The following PARD3B variants were observed in gnomAD, a reference collection of about 807,000 sequenced individuals.
PARD3B encodes the protein par-3 family cell polarity regulator beta.
A neutral mutation model predicts 130.2 loss-of-function variants in PARD3B; 103 were observed. That is an observed-to-expected ratio of 0.79 (90% CI 0.67 to 0.93). The LOEUF is 0.93. PARD3B is among the 40% of genes least tolerant of loss of function. The probability of loss-of-function intolerance (pLI) is 0.00; values close to 1 mark genes in which losing one functional copy is unlikely to be tolerated. For synonymous variants in PARD3B, 583 were observed against 553.2 expected, an observed-to-expected ratio of 1.05 and a Z score of -0.76; for missense variants, 1,609 against 1,499.2, an observed-to-expected ratio of 1.07 and a Z score of -1.21.
chr2:204,687,738 ATCT>A (rs1260232246), intron 2 of PARD3B, among the ~76,000 whole-genome samples: 1 of 152,220 alleles, frequency 6.6e-6, no homozygotes, highest in Non-Finnish European at 1.5e-5. Flanking sequence ...CCTAGGGATC[ATCT>A]TCTTCCTTTG....
intron 2 of PARD3B, among the ~76,000 whole-genome samples, chr2:204,825,248 C>G (rs993458180): frequency 1.3e-5 from 2 of 152,152 alleles, no homozygotes; most frequent in Admixed American, 6.5e-5. Context: ...TCTGAAGGAA[C>G]CTGGGCCATT....
intron 10 of PARD3B, among the ~76,000 whole-genome samples, chr2:205,139,381 A>G (rs999114130): frequency 2.6e-5 from 4 of 151,984 alleles, no homozygotes; most frequent in African/African-American, 9.7e-5. Context: ...CACCTTTAAT[A>G]AAAAAAACCT....
chr2:204,636,573 A>G (rs1389782658), intron 1 of PARD3B, among the ~76,000 whole-genome samples: 1 of 151,886 alleles, frequency 6.6e-6, no homozygotes, highest in Non-Finnish European at 1.5e-5. Flanking sequence ...CTCACAAAGC[A>G]GCAGCCAGCA....
At chr2:205,079,594 C>T (rs1022389887) in intron 4 of PARD3B, among the ~76,000 whole-genome samples, 3 of 152,212 alleles carry the variant, frequency 2.0e-5, no homozygotes, top group African/African-American at 7.2e-5. Context: ...AAAGGCCACA[C>T]TTCTTAATAC....
At chr2:204,680,536 T>G (rs1015878524) in intron 1 of PARD3B, among the ~76,000 whole-genome samples, 1 of 152,076 alleles carries the variant, frequency 6.6e-6, no homozygotes, top group Non-Finnish European at 1.5e-5. Context: ...GTTTTTTTAT[T>G]TCATTGTTCT....
intron 2 of PARD3B, among the ~76,000 whole-genome samples, chr2:204,770,501 T>C (rs2041319060): frequency 1.3e-5 from 2 of 151,932 alleles, no homozygotes; most frequent in African/African-American, 4.8e-5. Context: ...TGGAGAGTTC[T>C]GTAGATGTCT....
At chr2:205,439,437 G>T (rs2047635420) in intron 19 of PARD3B, among the ~76,000 whole-genome samples, 1 of 152,158 alleles carries the variant, frequency 6.6e-6, no homozygotes, top group African/African-American at 2.4e-5. Flanking sequence ...ACACCATCAA[G>T]ATCACCATTG....
intron 18 of PARD3B, among the ~76,000 whole-genome samples, chr2:205,335,642 G>GA (rs35633269): frequency 3.7e-4 from 55 of 149,604 alleles, no homozygotes; most frequent in African/African-American, 1.2e-3. Flanking sequence ...CAAGACTGGG[G>GA]AAAAAAAAAA....
chr2:204,704,860 C>A (rs550485096), intron 2 of PARD3B, among the ~76,000 whole-genome samples: 1 of 151,312 alleles, frequency 6.6e-6, no homozygotes, highest in South Asian at 2.1e-4. Flanking sequence ...TGGTAAGATT[C>A]CAACTGTCAA....
intron 2 of PARD3B, among the ~76,000 whole-genome samples, chr2:204,730,065 A>ATTTC (rs1307713051): frequency 1.3e-5 from 2 of 149,588 alleles, no homozygotes; most frequent in Non-Finnish European, 3.0e-5. Context: ...TGCATAGTTA[A>ATTTC]TTTCTTTCTT....
intron 21 of PARD3B, among the ~76,000 whole-genome samples, chr2:205,517,637 G>C (rs183766074): frequency 6.6e-6 from 1 of 151,892 alleles, no homozygotes; most frequent in Non-Finnish European, 1.5e-5. Flanking sequence ...GGGTTGATTC[G>C]TTCTTGCTTC....
In PARD3B at chr2:204,679,672, T is replaced by A. The variant is rs113615073; in HGVS notation, c.121-6509T>A. On this transcript the variant is annotated intron_variant, in intron 1 of 22. Coordinates refer to ENST00000406610, the MANE Select transcript of PARD3B (RefSeq NM_001302769.2). ...TATTGTAAATGTTACAATTTTTTTTTAATTTTTTTTAATCTTTAACTGGTT... is the reference window on the plus strand; with the variant it reads ...TATTGTAAATGTTACAATTTTTTTTAAATTTTTTTTAATCTTTAACTGGTT... Among the ~76,000 whole-genome samples the A allele has an allele frequency of 4.1e-3, 627 of 151,950 alleles. 4 individuals are homozygous for A. Among genetic ancestry groups the A allele is most frequent in the African/African-American group, 9.8e-3 (407 of 41,368 alleles).
rs781658938 is a variant in PARD3B at position 205,440,683 on chromosome 2, T to G, written c.3044+11T>G. On this transcript the variant is annotated intron_variant, in intron 20 of 22. Coordinates refer to ENST00000406610, the MANE Select transcript of PARD3B (RefSeq NM_001302769.2). The surrounding 1 kb of genome is among the most constrained non-coding windows in gnomAD (Gnocchi z 4.2). Reference sequence around the variant, plus strand: ...GGTTCCAGCTGACAGGTAATAAACTTAGTGAAAGATAAATGTAGCTTTAAT... The same window carrying G: ...GGTTCCAGCTGACAGGTAATAAACTGAGTGAAAGATAAATGTAGCTTTAAT... 2 of 1,599,218 alleles carry G rather than the reference T, an allele frequency of 1.3e-6. No individual in the cohort carries two copies. Among genetic ancestry groups the G allele is most frequent in the Admixed American group, 1.7e-5 (1 of 59,814 alleles).
intron 2 of PARD3B, among the ~76,000 whole-genome samples, chr2:204,898,739 T>C (rs931493927): frequency 1.3e-5 from 2 of 152,214 alleles, no homozygotes; most frequent in East Asian, 1.9e-4. Context: ...GTAGCTATTA[T>C]TGTAATGGGG....
intron 2 of PARD3B, among the ~76,000 whole-genome samples, chr2:204,926,323 C>T (rs1302239923): frequency 6.6e-6 from 1 of 152,074 alleles, no homozygotes; most frequent in African/African-American, 2.4e-5. Context: ...AGCAGTTTAT[C>T]TTAAAGTCCT....
At chr2:205,517,082 C>T (rs867352853) in intron 21 of PARD3B, among the ~76,000 whole-genome samples, 5 of 151,862 alleles carry the variant, frequency 3.3e-5, no homozygotes, top group South Asian at 2.1e-4. Context: ...GATTTTCATA[C>T]GTCGAATCAA....
intron 1 of PARD3B, among the ~76,000 whole-genome samples, chr2:204,560,993 A>C (rs1385431704): frequency 6.6e-6 from 1 of 150,408 alleles, no homozygotes. Flanking sequence ...GCAGTCTCTG[A>C]GACATTTCAG....
chr2:205,300,657 G>A lies in PARD3B; in HGVS notation c.2313G>A (p.Met771Ile). 1 of 1,613,954 alleles carries A rather than the reference G, an allele frequency of 6.2e-7. No homozygotes were observed. The highest frequency in any genetic ancestry group is 2.2e-5 in the East Asian group (1 of 44,878). ...DLPFHRPRPH[M>I]VRGRGCNESF... Reference sequence around the variant, plus strand: ...CCTTTCACAGGCCCCGGCCGCACATGGTTCGAGGCCGAGGCTGCAATGAGA... The same window carrying A: ...CCTTTCACAGGCCCCGGCCGCACATAGTTCGAGGCCGAGGCTGCAATGAGA... Residue 771 changes from methionine (M) to isoleucine (I), a missense_variant, in exon 17 of 23, where the codon ATG becomes ATA. Coordinates refer to ENST00000406610, the MANE Select transcript of PARD3B (RefSeq NM_001302769.2). This position sits in a 1 kb window ranked among gnomAD's most constrained non-coding sequence, Gnocchi z 4.1.
intron 21 of PARD3B, among the ~76,000 whole-genome samples, chr2:205,512,260 A>AT (rs1264371807): frequency 6.6e-6 from 1 of 152,180 alleles, no homozygotes; most frequent in Admixed American, 6.5e-5. Flanking sequence ...CGGAGTGTTT[A>AT]TGAAAGAGTG....
Sources: gnomAD v4.1 joint callset for allele counts (sites outside exome capture counted in the v4.1 genomes callset) on GRCh38, gnomAD v4.1.1 for gene constraint, Gnocchi (gnomAD v3.1) non-coding constraint, MANE v1.5 for transcripts, NCBI Gene and HGNC (gene_info 2026-07-23, HGNC 2026-07-21) for gene names.